ZBBX: variants seen among roughly 807,000 people sequenced by gnomAD.
The protein encoded by ZBBX is zinc finger B-box domain containing, also known as zinc finger B-box domain-containing protein 1.
ZBBX carries 101 observed loss-of-function variants against 108.5 expected under a neutral mutation model. The observed-to-expected ratio is 0.93, with a 90% CI of 0.79 to 1.10. ZBBX has a LOEUF of 1.10. ZBBX is among the 50% of genes least tolerant of loss of function. The pLI, the probability that ZBBX is intolerant of heterozygous loss-of-function variation, is 0.00. For missense variants in ZBBX, 1,009 were observed against 941.4 expected (o/e 1.07, Z -0.94); for synonymous variants, 356 against 323.4 (o/e 1.10, Z -1.08).
intron 17 of ZBBX, among the ~76,000 whole-genome samples, chr3:167,304,640 T>G (rs1405230930): frequency 6.6e-6 from 1 of 152,192 alleles, no homozygotes; most frequent in East Asian, 1.9e-4. Flanking sequence ...AATGTATATT[T>G]GGGTATGTAT....
At chr3:167,207,512 T>C in the ZBBX span, among the ~76,000 whole-genome samples, 1 of 152,172 alleles carries the variant, frequency 6.6e-6, no homozygotes, top group Admixed American at 6.6e-5. Flanking sequence ...AGGCACCTTT[T>C]AAAATATCAC....
At chr3:167,281,052 A>T (rs867913688) in intron 20 of ZBBX, among the ~76,000 whole-genome samples, 12 of 152,158 alleles carry the variant, frequency 7.9e-5, no homozygotes, top group African/African-American at 2.7e-4. Context: ...GGAACTGAAC[A>T]ATGAGAACAC....
In ZBBX at chr3:167,242,799, G is replaced by T. The variant is rs78926283; in HGVS notation, c.2255-156C>A. ...TCCTCAATTTTCTAATGTTTGTGAG[G>T]TAAGTTTGATTTGAGATTCCAAATT... On this transcript the variant is annotated intron_variant, in intron 20 of 21. Transcript: ENST00000675490. Among the ~76,000 whole-genome samples the T allele has an allele frequency of 9.0e-3, 1,365 of 152,198 alleles. 58 individuals carry two copies. In the East Asian group the frequency reaches 0.13, roughly 14 times the overall value.
intron 3 of ZBBX, 158 bp from the exon 4 acceptor site, chr3:167,373,108 T>A: frequency 4.5e-6 from 2 of 446,386 alleles, no homozygotes; most frequent in East Asian, 7.0e-5. Flanking sequence ...GTTAGCCCTT[T>A]GTCCCCTTCA....
At chr3:167,182,270 C>A in the ZBBX span, among the ~76,000 whole-genome samples, 1 of 152,190 alleles carries the variant, frequency 6.6e-6, no homozygotes, top group Non-Finnish European at 1.5e-5. Flanking sequence ...AATACCATCA[C>A]AGGCCTTGAT....
chr3:167,363,239 T>G (rs1346187119), intron 6 of ZBBX, among the ~76,000 whole-genome samples: 1 of 152,052 alleles, frequency 6.6e-6, no homozygotes, highest in African/African-American at 2.4e-5. Flanking sequence ...ATGGGCTATA[T>G]GGCTCTTTGG....
chr3:167,299,560 A>G (rs1055238912), intron 17 of ZBBX, among the ~76,000 whole-genome samples: 1 of 152,164 alleles, frequency 6.6e-6, no homozygotes, highest in African/African-American at 2.4e-5. Flanking sequence ...GCACAAACTT[A>G]CAAAGTTAAC....
chr3:167,398,732 A>C (rs1748328351), intron 1 of ZBBX, among the ~76,000 whole-genome samples: 1 of 152,080 alleles, frequency 6.6e-6, no homozygotes, highest in South Asian at 2.1e-4. Flanking sequence ...AATTGTTCTT[A>C]AGTAGTCAGG....
chr3:167,332,867 C>A (rs189683385), intron 10 of ZBBX, among the ~76,000 whole-genome samples: 73 of 152,086 alleles, frequency 4.8e-4, no homozygotes, highest in Admixed American at 8.5e-4. Flanking sequence ...CTATTCCCTG[C>A]CACTATTCTC....
intron 7 of ZBBX, 82 bp downstream of exon 7, chr3:167,360,593 A>G (rs2108541621): frequency 1.2e-6 from 1 of 849,938 alleles, no homozygotes; most frequent in Non-Finnish European, 1.6e-6. Context: ...GGACAATTCT[A>G]AAACTTTAAC....
At chr3:167,371,527 G>A (rs567715721) in intron 4 of ZBBX, among the ~76,000 whole-genome samples, 12 of 152,092 alleles carry the variant, frequency 7.9e-5, no homozygotes, top group East Asian at 7.8e-4. Context: ...CTAAGCTTTC[G>A]GAGTGCCAGG....
chr3:167,191,896 CATATATATATATATATATAT>C, the ZBBX span, among the ~76,000 whole-genome samples: 61 of 67,956 alleles, frequency 9.0e-4, no homozygotes, highest in African/African-American at 1.5e-3. Flanking sequence ...TTACAAAAAT[CATATATATATATATATATAT>C]ATATATATAT....
chr3:167,226,622 A>G, the ZBBX span, among the ~76,000 whole-genome samples: 2 of 151,730 alleles, frequency 1.3e-5, no homozygotes, highest in Non-Finnish European at 2.9e-5. Context: ...TCCAAGCTCA[A>G]TCTTGGCCAT....
chr3:167,252,232 G>A lies in ZBBX; in HGVS notation c.2255-9589C>T, dbSNP rs377491301. ...GCATCCTAGAAATAGCAGAAAACAA[G>A]TCAGAGAGGTTGCTGTACACAATAA... On this transcript the variant is annotated intron_variant, in intron 20 of 21. Transcript: ENST00000675490. 2.4e-6 allele frequency: 3 copies of A among 1,253,986 alleles called. No individual in the cohort carries two copies. In the African/African-American group the frequency reaches 4.6e-5, roughly 19 times the overall value. The allele number at this position is 1,253,986 out of a possible 1,614,324, so 77.7% of individuals were successfully genotyped here.
the ZBBX span, among the ~76,000 whole-genome samples, chr3:167,223,174 G>C: frequency 6.6e-6 from 1 of 151,614 alleles, no homozygotes; most frequent in Non-Finnish European, 1.5e-5. Flanking sequence ...TGACTTCCCT[G>C]ACCACCCACC....
chr3:167,340,972 T>C (rs562148869), intron 9 of ZBBX, among the ~76,000 whole-genome samples: 1 of 152,060 alleles, frequency 6.6e-6, no homozygotes, highest in African/African-American at 2.4e-5. Flanking sequence ...GCAAGAGTAG[T>C]GGTACAGAAA....
intron 20 of ZBBX, among the ~76,000 whole-genome samples, chr3:167,257,401 T>G (rs957874801): frequency 2.6e-5 from 4 of 152,118 alleles, no homozygotes; most frequent in African/African-American, 4.8e-5. Context: ...GCCCTTTACT[T>G]CTTTATCTTT....
At chr3:167,181,349 T>C in the ZBBX span, among the ~76,000 whole-genome samples, 4 of 152,160 alleles carry the variant, frequency 2.6e-5, no homozygotes, top group Non-Finnish European at 4.4e-5. Flanking sequence ...GAAGCTACAA[T>C]TGGTTGAATG....
In ZBBX at chr3:167,322,104, T is replaced by A; in HGVS notation, c.983+13A>T. 8.1e-7 allele frequency: 1 copy of A among 1,227,484 alleles called. No individual in the cohort carries two copies. Among genetic ancestry groups the A allele is most frequent in the Non-Finnish European group, 1.1e-6 (1 of 922,542 alleles). The allele number at this position is 1,227,484 out of a possible 1,614,324, so 76.0% of individuals were successfully genotyped here. On this transcript the variant is annotated intron_variant, in intron 12 of 21. Coordinates refer to ENST00000675490, the MANE Select transcript of ZBBX (RefSeq NM_001199201.2). ...TTCATATTTCCTAATAGTATTATAA[T>A]TTCAGAAAATACCTCCTGTGTTTTT...
Sources: allele counts gnomAD v4.1 joint callset (sites outside exome capture counted in the v4.1 genomes callset), GRCh38; gene constraint gnomAD v4.1.1; transcripts MANE v1.5; gene names NCBI Gene and HGNC (gene_info 2026-07-23, HGNC 2026-07-21).